Variants in IFT74 observed in about 807,000 individuals in gnomAD.
IFT74 encodes intraflagellar transport protein 74 homolog.
In IFT74, 92 loss-of-function variants were observed where a neutral mutation model predicts 96.7. The observed-to-expected ratio is 0.95, with a 90% CI of 0.80 to 1.13. IFT74 has a LOEUF of 1.13. IFT74 is among the 50% of genes most tolerant of loss of function. The pLI is 0.00. For synonymous variants in IFT74, 223 were observed against 213.2 expected, an observed-to-expected ratio of 1.05 and a Z score of -0.40; for missense variants, 811 against 698.2, an observed-to-expected ratio of 1.16 and a Z score of -1.82.
intron 13 of IFT74, among the ~76,000 whole-genome samples, chr9:27,030,345 G>A (rs1830063011): frequency 6.6e-6 from 1 of 152,006 alleles, no homozygotes; most frequent in Admixed American, 6.5e-5. Flanking sequence ...TCCTGTCTCA[G>A]CCTCCTGAGT....
Position 27,009,089 on chromosome 9 carries a change from C to A in IFT74, c.657C>A (p.Ile219=). 1 of 1,612,118 alleles carries A rather than the reference C, an allele frequency of 6.2e-7. No homozygotes were observed. The highest frequency in any genetic ancestry group is 8.5e-7 in the Non-Finnish European group (1 of 1,178,494). ...EQEKQATDDI[I]KNMSFENQVK... is the part of the protein sequence containing the mutation. ...AAAAACAAGCAACAGATGACATTAT[C>A]AAAAATATGTCTTTTGAAAACCAAG... The change falls in exon 9 of 20, where the codon ATC becomes ATA. Residue 219 remains isoleucine, a synonymous_variant. Transcript: ENST00000380062.
At chr9:27,028,772 G>T in intron 12 of IFT74, 4 of 233,096 alleles carry the variant, frequency 1.7e-5, no homozygotes, top group South Asian at 9.8e-5. Flanking sequence ...AAAAAAAAAA[G>T]ATCTAGACAA....
chr9:27,018,738 T>C, intron 12 of IFT74, 51 bp downstream of exon 12: 2 of 1,175,540 alleles, frequency 1.7e-6, no homozygotes, highest in Non-Finnish European at 2.4e-6. Context: ...ACTTTAAAAA[T>C]TACATTCTAA....
At chr9:27,058,597 AG>A (rs1820278813) in intron 18 of IFT74, among the ~76,000 whole-genome samples, 1 of 150,256 alleles carries the variant, frequency 6.7e-6, no homozygotes, top group Admixed American at 6.6e-5. Flanking sequence ...CTTGTTGGCC[AG>A]GCTGGTCTCG....
At chr9:27,022,333 T>C (rs547847770) in intron 12 of IFT74, among the ~76,000 whole-genome samples, 1 of 152,174 alleles carries the variant, frequency 6.6e-6, no homozygotes, top group Non-Finnish European at 1.5e-5. Flanking sequence ...TTGGGTTCCA[T>C]ATGAATTTTG....
At chr9:26,975,752 A>T (rs914718489) in intron 2 of IFT74, among the ~76,000 whole-genome samples, 3 of 152,016 alleles carry the variant, frequency 2.0e-5, no homozygotes, top group Non-Finnish European at 4.4e-5. Flanking sequence ...CATATTAGAG[A>T]TTTCTTGCCT....
intron 1 of IFT74, among the ~76,000 whole-genome samples, chr9:26,949,532 T>G (rs1398796171): frequency 2.6e-5 from 4 of 152,162 alleles, no homozygotes; most frequent in Admixed American, 6.5e-5. Flanking sequence ...ATTGCCCCTG[T>G]GTTCTTTTAC....
At chr9:27,045,686 C>G (rs1819668879) in intron 14 of IFT74, among the ~76,000 whole-genome samples, 1 of 151,998 alleles carries the variant, frequency 6.6e-6, no homozygotes, top group African/African-American at 2.4e-5. Context: ...TTTAAGTTAT[C>G]ATTTTGCTGG....
At chr9:27,013,664 T>G (rs1202880993) in intron 10 of IFT74, among the ~76,000 whole-genome samples, 1 of 152,234 alleles carries the variant, frequency 6.6e-6, no homozygotes, top group Non-Finnish European at 1.5e-5. Context: ...GAGTATCTAT[T>G]TATATCATTT....
At position 27,064,679 on chromosome 9, in the gene IFT74, T is replaced by G. The variant is rs1820554692; in HGVS notation, c.*1943T>G. On this transcript the variant is annotated 3_prime_UTR_variant, in exon 20 of 20. Transcript: ENST00000380062. Reference sequence around the variant, plus strand: ...AGGAAGGGAATCTGGAAAACATGTTTGTGGATAGGTAATCTTTGTTTTCCT... The same window carrying G: ...AGGAAGGGAATCTGGAAAACATGTTGGTGGATAGGTAATCTTTGTTTTCCT... 6.6e-6 allele frequency among the ~76,000 whole-genome samples: 1 copy of G among 152,292 alleles called. No individual in the cohort carries two copies. Among genetic ancestry groups the G allele is most frequent in the Admixed American group, 6.5e-5 (1 of 15,302 alleles).
chr9:26,989,988 T>C (rs1207742029), intron 7 of IFT74, 146 bp from the exon 8 acceptor site: 2 of 423,984 alleles, frequency 4.7e-6, no homozygotes, highest in Non-Finnish European at 8.6e-6. Flanking sequence ...AATGAGGCAA[T>C]TACTTTATTT....
Position 26,984,365 on chromosome 9 carries a change from A to T in IFT74, c.404+10A>T, listed in dbSNP as rs1194813220. On this transcript the variant is annotated intron_variant, in intron 5 of 19. Coordinates refer to ENST00000380062, the MANE Select transcript of IFT74 (RefSeq NM_025103.4). ...TGTCATATGAAAAGAGGTGAGTAATAAGTATTCAGTATTCATTCAGTATTT... is the reference window on the plus strand; with the variant it reads ...TGTCATATGAAAAGAGGTGAGTAATTAGTATTCAGTATTCATTCAGTATTT... The T allele has an allele frequency of 6.3e-7, 1 of 1,582,468 alleles. No homozygotes were observed. The highest frequency in any genetic ancestry group is 8.6e-7 in the Non-Finnish European group (1 of 1,162,184).
At chr9:27,022,894 T>G (rs1432561276) in intron 12 of IFT74, among the ~76,000 whole-genome samples, 1 of 152,152 alleles carries the variant, frequency 6.6e-6, no homozygotes, top group Admixed American at 6.6e-5. Context: ...TACCTCGGCC[T>G]CCCAAAGTGC....
At chr9:26,998,272 T>C in intron 8 of IFT74, 1 of 1,266,694 alleles carries the variant, frequency 7.9e-7, no homozygotes, top group African/African-American at 1.5e-5. Flanking sequence ...AAGGCATTAA[T>C]CAGAAAAAAA....
rs144576978 is a variant in IFT74 at position 26,973,186 on chromosome 9, G to C, written c.121-4942G>C. On this transcript the variant is annotated intron_variant, in intron 2 of 19. Transcript: ENST00000380062. The stretch of plus-strand genomic sequence containing the variant: ...TACTGTGAACCACTGATGATCATAA[G>C]GAATTTGGCTGAGAATGGTGTAACG... Among the ~76,000 whole-genome samples the C allele has an allele frequency of 6.0e-3, 910 of 152,298 alleles. 2 individuals are homozygous for C. Among genetic ancestry groups the C allele is most frequent in the Non-Finnish European group, 0.01 (709 of 68,014 alleles).
At chr9:27,054,564 GACAC>G (rs1173991600) in intron 16 of IFT74, among the ~76,000 whole-genome samples, 1 of 152,104 alleles carries the variant, frequency 6.6e-6, no homozygotes, top group Non-Finnish European at 1.5e-5. Context: ...GGAAGAATGA[GACAC>G]ACACAGGTAT....
chr9:26,961,103 G>C (rs1422571297), intron 1 of IFT74, among the ~76,000 whole-genome samples: 6 of 127,302 alleles, frequency 4.7e-5, no homozygotes, highest in African/African-American at 1.8e-4. Flanking sequence ...TTTTTTTTTG[G>C]GTGGGGGGAT....
At chr9:26,964,228 C>A (rs1158414626) in intron 2 of IFT74, among the ~76,000 whole-genome samples, 2 of 143,922 alleles carry the variant, frequency 1.4e-5, no homozygotes, top group Non-Finnish European at 3.0e-5. Flanking sequence ...GGAATCCTTT[C>A]CCCATTGCTT....
At chr9:26,980,969 A>G (rs1827350616) in intron 4 of IFT74, among the ~76,000 whole-genome samples, 1 of 152,184 alleles carries the variant, frequency 6.6e-6, no homozygotes, top group African/African-American at 2.4e-5. Context: ...GCAGAAGTCC[A>G]AGATCAAGGT....
Sources: gnomAD v4.1 joint callset for allele counts (sites outside exome capture counted in the v4.1 genomes callset) on GRCh38, gnomAD v4.1.1 for gene constraint, MANE v1.5 for transcripts, NCBI Gene and HGNC (gene_info 2026-07-23, HGNC 2026-07-21) for gene names.